TLK1: variants seen among roughly 807,000 people sequenced by gnomAD.
The protein encoded by TLK1 is serine/threonine-protein kinase tousled-like 1.
A neutral mutation model predicts 105.3 loss-of-function variants in TLK1; 24 were observed. That is an observed-to-expected ratio of 0.23 (90% confidence interval 0.17 to 0.32). The LOEUF (loss-of-function observed/expected upper bound fraction) is 0.32, where lower values mean the gene tolerates loss of function less well. Ranked by LOEUF, TLK1 falls within the 10% of genes least tolerant of loss-of-function variation. The pLI, the probability that TLK1 is intolerant of heterozygous loss-of-function variation, is 1.00. For missense variants in TLK1, 558 were observed against 910.5 expected (o/e 0.61, Z 4.98); for synonymous variants, 321 against 310.4 (o/e 1.03, Z -0.36).
chr2:171,080,261 T>C (rs1249966435), intron 3 of TLK1, among the ~76,000 whole-genome samples: 1 of 150,896 alleles, frequency 6.6e-6, no homozygotes, highest in African/African-American at 2.4e-5. Flanking sequence ...AAAACTACTA[T>C]TTTAACAACT....
Position 171,160,096 on chromosome 2 carries a change from G to A in TLK1, c.139+194C>T, listed in dbSNP as rs1692403614. ...CTCGTCCGTCTCCTCCGCCACCCGC[G>A]AACCACCATCCACAGCCAGGGCACT... On this transcript the variant is annotated intron_variant, in intron 1 of 20. Coordinates refer to ENST00000431350, the MANE Select transcript of TLK1 (RefSeq NM_012290.5). This position sits in a 1 kb window ranked among gnomAD's most constrained non-coding sequence, Gnocchi z 4.4. Among the ~76,000 whole-genome samples the A allele has an allele frequency of 6.6e-6, 1 of 151,750 alleles. No individual in the cohort carries two copies. Among genetic ancestry groups the A allele is most frequent in the Admixed American group, 6.6e-5 (1 of 15,232 alleles).
chr2:171,183,169 T>C (rs997471880), intron 1 of TLK1, among the ~76,000 whole-genome samples: 2 of 152,154 alleles, frequency 1.3e-5, no homozygotes, highest in Non-Finnish European at 2.9e-5. Flanking sequence ...GTGTAATATA[T>C]GTACATTAAT....
chr2:171,173,254 A>G (rs996364288), intron 1 of TLK1, among the ~76,000 whole-genome samples: 15 of 152,240 alleles, frequency 9.9e-5, no homozygotes, highest in Non-Finnish European at 2.9e-5. Flanking sequence ...AGAATAACAT[A>G]ACTAAAAAGG....
Position 171,136,850 on chromosome 2 carries a change from A to G in TLK1, c.140-18993T>C, listed in dbSNP as rs181196134. Among the ~76,000 whole-genome samples, 21 of 152,346 alleles carry G rather than the reference A, an allele frequency of 1.4e-4. No individual in the cohort carries two copies. The East Asian group carries it at 4.0e-3, about 29-fold the overall frequency. ...CGGGCAGCAGTGACTACCCTGTTAA[A>G]TATTATAAGGTAAAAAAATCAAGAC... On this transcript the variant is annotated intron_variant, in intron 1 of 20. Coordinates refer to ENST00000431350, the MANE Select transcript of TLK1 (RefSeq NM_012290.5).
intron 11 of TLK1, among the ~76,000 whole-genome samples, chr2:171,043,872 C>G (rs1207103669): frequency 2.6e-5 from 4 of 152,150 alleles, no homozygotes; most frequent in Non-Finnish European, 5.9e-5. Context: ...AGACATCCCA[C>G]CCAGCCCACA....
intron 11 of TLK1, among the ~76,000 whole-genome samples, chr2:171,037,818 T>C (rs1686446201): frequency 6.6e-6 from 1 of 152,222 alleles, no homozygotes; most frequent in African/African-American, 2.4e-5. Context: ...GTAACTGTCA[T>C]TCTTGTACAA....
intron 6 of TLK1, among the ~76,000 whole-genome samples, chr2:171,055,979 A>C (rs774154264): frequency 6.6e-6 from 1 of 152,072 alleles, no homozygotes; most frequent in African/African-American, 2.4e-5. Context: ...TAAAAGAACT[A>C]TATCTAAAAT....
chr2:171,057,357 CTTAT>C (rs2105440932), intron 5 of TLK1, among the ~76,000 whole-genome samples: 1 of 152,030 alleles, frequency 6.6e-6, no homozygotes, highest in South Asian at 2.1e-4. Context: ...GGGATTTTGC[CTTAT>C]TTATTTTATC....
chr2:171,159,690 A>G (rs1692376917), intron 1 of TLK1: 1 of 152,296 alleles, frequency 6.6e-6, no homozygotes. Flanking sequence ...CCCACGAGTC[A>G]GTCTGTCGTT....
chr2:171,113,833 T>G (rs995466036), intron 2 of TLK1, among the ~76,000 whole-genome samples: 1 of 152,144 alleles, frequency 6.6e-6, no homozygotes, highest in Non-Finnish European at 1.5e-5. Flanking sequence ...ATCTTTATGG[T>G]CCAGGGATGC....
intron 12 of TLK1, among the ~76,000 whole-genome samples, chr2:171,015,675 TG>T (rs1559343418): frequency 8.9e-5 from 13 of 145,374 alleles, no homozygotes; most frequent in African/African-American, 3.4e-4. Context: ...ATGTCATTCA[TG>T]TCATTCATTC....
chr2:171,050,270 G>A (rs1466719607), intron 8 of TLK1, 96 bp from the exon 9 acceptor site: 14 of 723,810 alleles, frequency 1.9e-5, no homozygotes, highest in Middle Eastern at 3.8e-4. Context: ...ATACAGATAG[G>A]ACTAATAATA....
chr2:171,168,210 A>G (rs1206596467), intron 1 of TLK1, among the ~76,000 whole-genome samples: 1 of 152,144 alleles, frequency 6.6e-6, no homozygotes, highest in East Asian at 1.9e-4. Flanking sequence ...AAAGATTTTC[A>G]GAATTACTTA....
chr2:171,115,595 GAC>G (rs1175184380), intron 2 of TLK1, among the ~76,000 whole-genome samples: 1 of 152,124 alleles, frequency 6.6e-6, no homozygotes, highest in Non-Finnish European at 1.5e-5. Context: ...AGAAGAAAAT[GAC>G]AGAGGAATAC....
chr2:171,056,994 A>G (rs183205478), intron 5 of TLK1, among the ~76,000 whole-genome samples: 5 of 152,164 alleles, frequency 3.3e-5, no homozygotes, highest in Non-Finnish European at 7.4e-5. Flanking sequence ...ACTATTTTAA[A>G]CAGAATATCA....
At chr2:171,083,770 G>T (rs770679706) in intron 2 of TLK1, among the ~76,000 whole-genome samples, 1 of 152,126 alleles carries the variant, frequency 6.6e-6, no homozygotes, top group Non-Finnish European at 1.5e-5. Context: ...CTGAGCCATT[G>T]CATACATGCC....
At chr2:171,062,406 T>C (rs1481824313) in intron 3 of TLK1, among the ~76,000 whole-genome samples, 2 of 152,228 alleles carry the variant, frequency 1.3e-5, no homozygotes, top group South Asian at 2.1e-4. Context: ...TAACAATACA[T>C]AGCCTAATTC....
At chr2:171,076,247 G>A in intron 3 of TLK1, among the ~76,000 whole-genome samples, 1 of 151,724 alleles carries the variant, frequency 6.6e-6, no homozygotes, top group Non-Finnish European at 1.5e-5. Flanking sequence ...AGAGGTAGGG[G>A]CCTCATGAAT....
intron 1 of TLK1, among the ~76,000 whole-genome samples, chr2:171,207,724 G>C (rs1238276385): frequency 6.6e-6 from 1 of 152,144 alleles, no homozygotes; most frequent in African/African-American, 2.4e-5. Context: ...GTCTAGACTA[G>C]TCAATGATAC....
Sources: allele counts gnomAD v4.1 joint callset (sites outside exome capture counted in the v4.1 genomes callset), GRCh38; gene constraint gnomAD v4.1.1; non-coding constraint Gnocchi (gnomAD v3.1); transcripts MANE v1.5; gene names NCBI Gene and HGNC (gene_info 2026-07-23, HGNC 2026-07-21).